The following SHKBP1 variants were observed in gnomAD, a reference collection of about 807,000 sequenced individuals.
The protein encoded by SHKBP1 is SH3KBP1 binding protein 1.
In SHKBP1, 71 loss-of-function variants were observed where a neutral mutation model predicts 83.9. The observed-to-expected ratio is 0.85, with a 90% confidence interval of 0.70 to 1.03. SHKBP1 has a LOEUF of 1.03. Ranked by LOEUF, SHKBP1 falls within the 50% of genes least tolerant of loss-of-function variation. The pLI, the probability that SHKBP1 is intolerant of heterozygous loss-of-function variation, is 0.00. For synonymous variants in SHKBP1, 371 were observed against 398.0 expected (o/e 0.93, Z 0.81); for missense variants, 824 against 982.4 (o/e 0.84, Z 2.16).
chr19:40,590,584 A>G lies in SHKBP1; in HGVS notation c.1769-146A>G. On this transcript the variant is annotated intron_variant, in intron 16 of 17. Transcript: ENST00000291842. This position sits in a 1 kb window ranked among gnomAD's most constrained non-coding sequence, Gnocchi z 4.6. ...CATCCCTTCCTGCCCTTGTTTTTCA[A>G]CCCCTGTCTCAGCCTCTGGCCCCCA... The G allele has an allele frequency of 7.7e-7, 1 of 1,294,544 alleles. No individual in the cohort carries two copies. Among genetic ancestry groups the G allele is most frequent in the Non-Finnish European group, 1.1e-6 (1 of 943,784 alleles). 80.2% of individuals were successfully genotyped at this position (1,294,544 alleles called of 1,614,324 possible). A position where few individuals can be genotyped will look rare whatever the true frequency, so the allele number is the denominator to read the frequency against.
intron 4 of SHKBP1, 138 bp downstream of exon 4, chr19:40,577,768 G>T: frequency 9.0e-7 from 1 of 1,106,528 alleles, no homozygotes; most frequent in Non-Finnish European, 1.3e-6. Flanking sequence ...CGGGCGCGCC[G>T]GGATTGCTCA....
At position 40,591,046 on chromosome 19, in the gene SHKBP1, G is replaced by A; in HGVS notation, c.1963G>A (p.Ala655Thr). Residue 655 changes from alanine to threonine, a missense_variant, in exon 18 of 18, where the codon GCC becomes ACC. Transcript: ENST00000291842. ...GAGCCCAAGCCCCCCGCAGGCTGAGGCCCGGCGCCGTGGTGGGGGCAGCTT... is the reference window on the plus strand; with the variant it reads ...GAGCCCAAGCCCCCCGCAGGCTGAGACCCGGCGCCGTGGTGGGGGCAGCTT... ...RGSPSPPQAE[A>T]RRRGGGSFVE... 2 of 1,613,012 alleles carry A rather than the reference G, an allele frequency of 1.2e-6. No individual in the cohort carries two copies. Among genetic ancestry groups the A allele is most frequent in the African/African-American group, 1.3e-5 (1 of 75,032 alleles).
At chr19:40,589,451 G>T (rs1489292762) in intron 15 of SHKBP1, among the ~76,000 whole-genome samples, 1 of 135,546 alleles carries the variant, frequency 7.4e-6, no homozygotes, top group Non-Finnish European at 1.6e-5. Flanking sequence ...TGGGGTCAGG[G>T]TGGGATGGGG....
Position 40,590,422 on chromosome 19 carries a change from G to A in SHKBP1, c.1768G>A (p.Ala590Thr). 1 of 1,601,404 alleles carries A rather than the reference G, an allele frequency of 6.2e-7. No homozygotes were observed. Among genetic ancestry groups the A allele is most frequent in the Non-Finnish European group, 8.5e-7 (1 of 1,173,906 alleles). The change falls in exon 16 of 18, where the codon GCA becomes ACA. Residue 590 changes from alanine to threonine, a missense_variant and splice_region_variant. Around this residue, in one of 3 missense-constraint regions of SHKBP1, gnomAD observed 287 missense variants for 322.9 expected, o/e 0.89. Coordinates refer to ENST00000291842, the MANE Select transcript of SHKBP1 (RefSeq NM_138392.4). This position sits in a 1 kb window ranked among gnomAD's most constrained non-coding sequence, Gnocchi z 4.6. ...CATGGACGGCCTCGGCCAGGCCCCT[G>A]GTACTCCCTGCCCCACCCCAATCCC... is the stretch of plus-strand genomic sequence containing the variant. Reference protein sequence around the residue: ...TAMDGLGQAPAGGLTEQELME... With the variant: ...TAMDGLGQAPTGGLTEQELME...
intron 6 of SHKBP1, 191 bp from the exon 7 acceptor site, chr19:40,580,133 G>A: frequency 1.6e-6 from 1 of 617,962 alleles, no homozygotes; most frequent in South Asian, 2.1e-5. Flanking sequence ...TGGGCTCAAG[G>A]GAACTGAAAG....
Position 40,586,801 on chromosome 19 carries a change from C to A in SHKBP1, c.1193C>A (p.Ala398Asp). 1 of 1,601,996 alleles carries A rather than the reference C, an allele frequency of 6.2e-7. No individual in the cohort carries two copies. Among genetic ancestry groups the A allele is most frequent in the Non-Finnish European group, 8.5e-7 (1 of 1,172,078 alleles). Residue 398 changes from alanine (A) to aspartate (D), a missense_variant, in exon 13 of 18, where the codon GCC (alanine) becomes GAC (aspartate). Physicochemically the swap from Ala to Asp is moderately radical, Grantham distance 126 (BLOSUM62 -2). Coordinates refer to ENST00000291842, the MANE Select transcript of SHKBP1 (RefSeq NM_138392.4). Reference protein sequence around the residue: ...TSDSGNWIEIAYGTSSGGVRV... With the variant: ...TSDSGNWIEIDYGTSSGGVRV... The stretch of plus-strand genomic sequence containing the variant: ...GACAGTGGGAACTGGATCGAGATCG[C>A]CTATGGCACCAGCTCAGGGGGCGTG...
intron 12 of SHKBP1, among the ~76,000 whole-genome samples, 155 bp downstream of exon 12, chr19:40,583,872 A>C (rs556533026): frequency 6.6e-6 from 1 of 152,012 alleles, no homozygotes; most frequent in South Asian, 2.1e-4. Context: ...ACAGACTCTC[A>C]TTCTGTTGCC....
chr19:40,577,135 G>T, intron 1 of SHKBP1, 96 bp from the exon 2 acceptor site: 1 of 1,497,410 alleles, frequency 6.7e-7, no homozygotes, highest in Non-Finnish European at 9.2e-7. Flanking sequence ...CGCCGGGGGA[G>T]GGGGAAGGGG....
Position 40,589,165 on chromosome 19 carries a change from T to C in SHKBP1, c.1576T>C (p.Ser526Pro), listed in dbSNP as rs774743388. 1 of 1,612,104 alleles carries C rather than the reference T, an allele frequency of 6.2e-7. No homozygotes were observed. Among genetic ancestry groups the C allele is most frequent in the Non-Finnish European group, 8.5e-7 (1 of 1,179,596 alleles). Reference sequence around the variant, plus strand: ...CAGCCAGCTCTTCGTGCGTCTCTCATCTACTGGGCAGCGGTGAGGACAGTC... The same window carrying C: ...CAGCCAGCTCTTCGTGCGTCTCTCACCTACTGGGCAGCGGTGAGGACAGTC... ...SASQLFVRLS[S>P]TGQRVCSVRS... Residue 526 changes from serine to proline, a missense_variant, in exon 15 of 18, where the codon TCT becomes CCT. Around this residue, in one of 3 missense-constraint regions of SHKBP1, gnomAD observed 287 missense variants for 322.9 expected, o/e 0.89. Transcript: ENST00000291842.
At chr19:40,585,203 C>T (rs1275271741) in intron 12 of SHKBP1, among the ~76,000 whole-genome samples, 1 of 152,088 alleles carries the variant, frequency 6.6e-6, no homozygotes, top group African/African-American at 2.4e-5. Context: ...GCCACTCGGG[C>T]TCAAGCGATT....
At position 40,578,517 on chromosome 19, in the gene SHKBP1, C is replaced by G; in HGVS notation, c.375C>G (p.Leu125=). 1 of 1,614,120 alleles carries G rather than the reference C, an allele frequency of 6.2e-7. No homozygotes were observed. ...ATCGATCTTCTTGTGGAAACGTCCT[C>G]TTCAATGGTTACCTGCCGCCACCAG... ...ELDRSSCGNV[L]FNGYLPPPVF... The change falls in exon 6 of 18, where the codon CTC becomes CTG. Residue 125 remains leucine (L), a synonymous_variant. Transcript: ENST00000291842.
chr19:40,577,661 C>T (rs761434686), intron 4 of SHKBP1, 31 bp downstream of exon 4: 1 of 1,609,700 alleles, frequency 6.2e-7, no homozygotes, highest in Admixed American at 1.7e-5. Context: ...GGGAGTCCCT[C>T]ACTGTCTTCA....
chr19:40,583,855 T>G (rs1356569678), intron 12 of SHKBP1, 138 bp downstream of exon 12: 2 of 689,424 alleles, frequency 2.9e-6, no homozygotes, highest in African/African-American at 3.6e-5. Flanking sequence ...TCATTTTTTT[T>G]TCTGAGACAG....
intron 13 of SHKBP1, among the ~76,000 whole-genome samples, chr19:40,587,942 AATG>A: frequency 6.6e-6 from 1 of 152,314 alleles, no homozygotes; most frequent in Middle Eastern, 3.4e-3. Flanking sequence ...AACACCAGGC[AATG>A]ATAAGGGCTA....
chr19:40,588,596 G>C (rs747627011), intron 13 of SHKBP1, 28 bp from the exon 14 acceptor site: 1 of 1,613,598 alleles, frequency 6.2e-7, no homozygotes, highest in South Asian at 1.1e-5. Context: ...CACCAGGCCT[G>C]ACTTCCTGCT....
At chr19:40,579,011 C>A (rs1381598628) in intron 6 of SHKBP1, among the ~76,000 whole-genome samples, 1 of 152,100 alleles carries the variant, frequency 6.6e-6, no homozygotes, top group African/African-American at 2.4e-5. Flanking sequence ...GCAGTCAGCA[C>A]CTGCTACCTT....
In SHKBP1 at chr19:40,586,808, C is replaced by T; in HGVS notation, c.1200C>T (p.Gly400=). The stretch of plus-strand genomic sequence containing the variant: ...GGAACTGGATCGAGATCGCCTATGG[C>T]ACCAGCTCAGGGGGCGTGCGGGTCA... ...DSGNWIEIAY[G]TSSGGVRVIV... is the part of the protein sequence containing the mutation. The change falls in exon 13 of 18, where the codon GGC becomes GGT. Residue 400 remains glycine, a synonymous_variant. Coordinates refer to ENST00000291842, the MANE Select transcript of SHKBP1 (RefSeq NM_138392.4). 1 of 1,603,936 alleles carries T rather than the reference C, an allele frequency of 6.2e-7. No individual in the cohort carries two copies. The highest frequency in any genetic ancestry group is 8.5e-7 in the Non-Finnish European group (1 of 1,173,382).
chr19:40,578,257 A>C (rs757314909), intron 5 of SHKBP1, 45 bp downstream of exon 5: 2 of 1,584,020 alleles, frequency 1.3e-6, no homozygotes, highest in Non-Finnish European at 1.7e-6. Flanking sequence ...ATAGAAAACC[A>C]ACTCTGTGAT....
At position 40,580,475 on chromosome 19, in the gene SHKBP1, C is replaced by T. The variant is rs1375905687; in HGVS notation, c.552C>T (p.Pro184=). ...GAATGCTGGATGAGAAAACCCCTCC[C>T]TCACCCTCAGGTACGTTTCTATCTC... ...LGRMLDEKTP[P]SPSGQPEEPG... is the part of the protein sequence containing the mutation. The change falls in exon 7 of 18, where the codon CCC becomes CCT. Residue 184 remains proline (P), a synonymous_variant. Transcript: ENST00000291842. The T allele has an allele frequency of 6.2e-7, 1 of 1,611,934 alleles. No individual in the cohort carries two copies.
Sources: allele counts gnomAD v4.1 joint callset (sites outside exome capture counted in the v4.1 genomes callset), GRCh38; gene constraint gnomAD v4.1.1; regional missense constraint gnomAD v4.1.1; non-coding constraint Gnocchi (gnomAD v3.1); transcripts MANE v1.5; gene names NCBI Gene and HGNC (gene_info 2026-07-23, HGNC 2026-07-21).